MTUS2: variants seen among roughly 807,000 people sequenced by gnomAD.
MTUS2 encodes the protein microtubule associated scaffold protein 2.
A neutral mutation model predicts 114.1 loss-of-function variants in MTUS2; 40 were observed. The observed-to-expected ratio is 0.35, with a 90% CI of 0.27 to 0.46. MTUS2 has a LOEUF of 0.46. Among genes scored for constraint, MTUS2 ranks in the 20% least tolerant of loss-of-function variants. The pLI is 1.00. For missense variants in MTUS2, 1,679 were observed against 1,705.4 expected (o/e 0.98, Z 0.27); for synonymous variants, 688 against 672.0 (o/e 1.02, Z -0.37).
chr13:28,913,314 T>TA (rs1164178021), intron 2 of MTUS2, among the ~76,000 whole-genome samples: 1 of 152,224 alleles, frequency 6.6e-6, no homozygotes, highest in Non-Finnish European at 1.5e-5. Flanking sequence ...TGAGAGTTTT[T>TA]AACATGAGGG....
chr13:29,363,089 G>A (rs1870405037), intron 8 of MTUS2, among the ~76,000 whole-genome samples: 1 of 139,882 alleles, frequency 7.1e-6, no homozygotes, highest in African/African-American at 2.7e-5. Context: ...GTAGTAATGA[G>A]TGTGACTCTC....
chr13:29,339,956 T>C (rs1347725066), intron 7 of MTUS2: 2 of 152,316 alleles, frequency 1.3e-5, no homozygotes, highest in Non-Finnish European at 2.9e-5. Context: ...AGCAATGCAG[T>C]AGTCGGGACG....
Position 29,025,886 on chromosome 13 carries a change from C to T in MTUS2, c.1188C>T (p.Pro396=), listed in dbSNP as rs775953532. Residue 396 remains proline (P), a synonymous_variant, in exon 3 of 16, where the codon CCC becomes CCT. Transcript: ENST00000612955. ...PGEQDSLHTT[P]KQGSASLGGA... ...AGCAGGATTCTCTCCACACCACCCC[C>T]AAACAGGGCTCTGCTTCCTTAGGAG... 6.2e-7 allele frequency: 1 copy of T among 1,613,472 alleles called. No individual in the cohort carries two copies. Among genetic ancestry groups the T allele is most frequent in the South Asian group, 1.1e-5 (1 of 90,992 alleles).
intron 2 of MTUS2, among the ~76,000 whole-genome samples, chr13:28,989,218 A>G (rs911295627): frequency 1.3e-5 from 2 of 152,216 alleles, no homozygotes; most frequent in African/African-American, 4.8e-5. Context: ...TGAAAGAGCC[A>G]CAGAGTCCAG....
At chr13:29,038,804 C>T (rs1031988320) in intron 4 of MTUS2, among the ~76,000 whole-genome samples, 2 of 152,234 alleles carry the variant, frequency 1.3e-5, no homozygotes, top group African/African-American at 2.4e-5. Flanking sequence ...CGGTGGGCTC[C>T]GCCCAGCTCG....
chr13:28,937,937 T>C (rs538873825), intron 2 of MTUS2, among the ~76,000 whole-genome samples: 64 of 152,284 alleles, frequency 4.2e-4, no homozygotes, highest in Middle Eastern at 3.4e-3. Context: ...GAGCAACTTA[T>C]GGAGATTCCT....
intron 5 of MTUS2, among the ~76,000 whole-genome samples, chr13:29,203,487 C>T (rs78449306): frequency 6.6e-6 from 1 of 151,812 alleles, no homozygotes; most frequent in African/African-American, 2.4e-5. Context: ...CCACTTGGCT[C>T]CCTGGCTTCA....
intron 1 of MTUS2, among the ~76,000 whole-genome samples, chr13:28,826,446 G>A (rs1874275851): frequency 6.6e-6 from 1 of 152,168 alleles, no homozygotes; most frequent in South Asian, 2.1e-4. Flanking sequence ...TAGGCTATAT[G>A]ATCTCTGAGG....
intron 2 of MTUS2, among the ~76,000 whole-genome samples, chr13:28,933,052 T>C (rs1390979054): frequency 6.6e-6 from 1 of 152,096 alleles, no homozygotes; most frequent in Admixed American, 6.6e-5. Flanking sequence ...AAATTTGTTA[T>C]TGTTCTGAGT....
chr13:28,990,387 G>A (rs139575280), intron 2 of MTUS2, among the ~76,000 whole-genome samples: 101 of 152,286 alleles, frequency 6.6e-4, no homozygotes, highest in Non-Finnish European at 1.2e-3. Flanking sequence ...CTTACTGGGT[G>A]TAGTGGGGGC....
intron 2 of MTUS2, among the ~76,000 whole-genome samples, chr13:28,978,861 G>A (rs1224736085): frequency 6.6e-6 from 1 of 152,166 alleles, no homozygotes; most frequent in African/African-American, 2.4e-5. Flanking sequence ...AGGCTGTTAG[G>A]CTCTGACAGC....
chr13:29,218,332 A>C (rs1294980387), intron 5 of MTUS2, among the ~76,000 whole-genome samples: 1 of 152,144 alleles, frequency 6.6e-6, no homozygotes, highest in Non-Finnish European at 1.5e-5. Flanking sequence ...TTCGTTTGCT[A>C]TTTCTACCAC....
chr13:29,020,906 T>C (rs1043609837), intron 2 of MTUS2, among the ~76,000 whole-genome samples: 2 of 151,968 alleles, frequency 1.3e-5, no homozygotes, highest in African/African-American at 4.8e-5. Flanking sequence ...CTATAAATAT[T>C]ATTAAGTGTC....
At chr13:29,092,441 G>A (rs1889998574) in intron 4 of MTUS2, among the ~76,000 whole-genome samples, 1 of 152,146 alleles carries the variant, frequency 6.6e-6, no homozygotes, top group African/African-American at 2.4e-5. Context: ...TTTGGGTAGG[G>A]ACCACCCTCG....
At chr13:29,423,064 A>G (rs74042061) in intron 8 of MTUS2, among the ~76,000 whole-genome samples, 6,391 of 152,222 alleles carry the variant, frequency 0.042, 407 homozygotes, top group African/African-American at 0.14. Flanking sequence ...ACCTCCCTAC[A>G]TGGCCCTTAG....
At chr13:28,894,278 GT>G (rs1879099095) in intron 2 of MTUS2, among the ~76,000 whole-genome samples, 17 of 60,528 alleles carry the variant, frequency 2.8e-4, no homozygotes, top group African/African-American at 1.4e-3. Flanking sequence ...AGGAGAGTTG[GT>G]GGGGGGGGGG....
chr13:28,857,289 A>G (rs1045827174), intron 2 of MTUS2, among the ~76,000 whole-genome samples: 1 of 152,206 alleles, frequency 6.6e-6, no homozygotes, highest in South Asian at 2.1e-4. Context: ...TGACCATCCA[A>G]CTAGTGATTC....
chr13:29,079,805 T>G (rs1306603422), intron 4 of MTUS2, among the ~76,000 whole-genome samples: 1 of 152,228 alleles, frequency 6.6e-6, no homozygotes, highest in East Asian at 1.9e-4. Context: ...AGCTTTACAC[T>G]AAGCTTTGAA....
intron 7 of MTUS2, among the ~76,000 whole-genome samples, chr13:29,350,888 G>A (rs1272566940): frequency 6.6e-6 from 1 of 150,418 alleles, no homozygotes; most frequent in African/African-American, 2.4e-5. Context: ...CCCCACTCTT[G>A]GGACCTAATC....
Sources: gnomAD v4.1 joint callset for allele counts (sites outside exome capture counted in the v4.1 genomes callset) on GRCh38, gnomAD v4.1.1 for gene constraint, MANE v1.5 for transcripts, NCBI Gene and HGNC (gene_info 2026-07-23, HGNC 2026-07-21) for gene names.